The following CERT1 variants were observed in gnomAD, a reference collection of about 807,000 sequenced individuals.
CERT1 encodes ceramide transfer protein.
In CERT1, 31 loss-of-function variants were observed where a neutral mutation model predicts 87.9. The observed-to-expected ratio is 0.35, with a 90% CI of 0.27 to 0.48. The LOEUF is 0.48. Among genes scored for constraint, CERT1 ranks in the 20% least tolerant of loss-of-function variants. The pLI is 0.99. For missense variants in CERT1, 487 were observed against 758.0 expected (o/e 0.64, Z 4.20); for synonymous variants, 289 against 250.9 (o/e 1.15, Z -1.44).
chr5:75,380,681 A>T lies in CERT1; in HGVS notation c.1747+391T>A, dbSNP rs544377059. 2.8e-4 allele frequency among the ~76,000 whole-genome samples: 41 copies of T among 148,836 alleles called. 1 individual carries two copies. The South Asian group carries it at 6.1e-3, about 22-fold the overall frequency. On this transcript the variant is annotated intron_variant, in intron 16 of 16. Coordinates refer to ENST00000643780, the MANE Select transcript of CERT1 (RefSeq NM_001379029.1). ...TGGGCACCTGTAATCCCAGCTACAG[A>T]GGCAGAGAATCGCTTGAACCCAGGA...
chr5:75,481,449 G>A (rs542256549), intron 2 of CERT1, among the ~76,000 whole-genome samples: 2 of 151,844 alleles, frequency 1.3e-5, no homozygotes, highest in South Asian at 4.2e-4. Flanking sequence ...ATTAAAATAC[G>A]GTAATATTTA....
At chr5:75,447,431 CCTT>C (rs1764590694) in intron 3 of CERT1, among the ~76,000 whole-genome samples, 1 of 142,694 alleles carries the variant, frequency 7.0e-6, no homozygotes, top group African/African-American at 2.7e-5. Context: ...ATATTTTCTT[CCTT>C]TTTTAAAAAA....
At chr5:75,491,566 T>C (rs1228702173) in intron 2 of CERT1, among the ~76,000 whole-genome samples, 1 of 152,176 alleles carries the variant, frequency 6.6e-6, no homozygotes, top group Non-Finnish European at 1.5e-5. Flanking sequence ...TCTCCCTCAC[T>C]AGTGCTCCTT....
At chr5:75,458,724 G>C (rs1412136789) in intron 3 of CERT1, among the ~76,000 whole-genome samples, 3 of 152,038 alleles carry the variant, frequency 2.0e-5, no homozygotes, top group African/African-American at 7.2e-5. Flanking sequence ...GCTAATTTTT[G>C]TATTTTTAGT....
At chr5:75,459,247 A>C in intron 2 of CERT1, 66 bp from the exon 3 acceptor site, 1 of 899,506 alleles carries the variant, frequency 1.1e-6, no homozygotes, top group Non-Finnish European at 1.8e-6. Flanking sequence ...TACACCCCAA[A>C]GCCAAAACAT....
At chr5:75,373,086 A>T (rs1761144510), downstream of CERT1, 1 of 152,248 alleles carries the variant, frequency 6.6e-6, no homozygotes, top group African/African-American at 2.4e-5. Flanking sequence ...ATTTCAGTTT[A>T]AATCATGTGG....
intron 1 of CERT1, among the ~76,000 whole-genome samples, chr5:75,510,079 G>A (rs1017250459): frequency 1.3e-5 from 2 of 152,160 alleles, no homozygotes; most frequent in South Asian, 2.1e-4. Flanking sequence ...TAATGTCCAA[G>A]TGATTTGCCA....
At chr5:75,370,522 G>A (rs996056298) in intron 17 of CERT1, 1 of 152,074 alleles carries the variant, frequency 6.6e-6, no homozygotes, top group African/African-American at 2.4e-5. Context: ...AAAACTTCTG[G>A]ATGTGATCCA....
chr5:75,421,124 T>C (rs1202332557), intron 5 of CERT1, among the ~76,000 whole-genome samples: 3 of 152,212 alleles, frequency 2.0e-5, no homozygotes, highest in Non-Finnish European at 2.9e-5. Context: ...GGCTCCTTTA[T>C]CTTTTCAGGA....
chr5:75,441,726 G>A (rs756365369), intron 3 of CERT1, among the ~76,000 whole-genome samples: 2 of 152,190 alleles, frequency 1.3e-5, no homozygotes, highest in Non-Finnish European at 2.9e-5. Flanking sequence ...CGCTTCAGTA[G>A]CATGTGGCAG....
At chr5:75,482,656 T>C (rs971133022) in intron 2 of CERT1, among the ~76,000 whole-genome samples, 2 of 152,142 alleles carry the variant, frequency 1.3e-5, no homozygotes, top group Admixed American at 6.5e-5. Context: ...TGTGTCACCT[T>C]TACCCCAGCT....
intron 1 of CERT1, among the ~76,000 whole-genome samples, chr5:75,507,634 G>A (rs189253729): frequency 2.3e-4 from 35 of 152,262 alleles, no homozygotes; most frequent in African/African-American, 7.2e-4. Context: ...CTTCCTTGGG[G>A]AGACTGCTAC....
chr5:75,459,763 G>C (rs1765149364), intron 2 of CERT1, among the ~76,000 whole-genome samples: 1 of 152,102 alleles, frequency 6.6e-6, no homozygotes, highest in Non-Finnish European at 1.5e-5. Flanking sequence ...AGGAGTTCAA[G>C]ACCAGCCTGG....
chr5:75,390,792 A>G (rs545801174), intron 11 of CERT1, among the ~76,000 whole-genome samples: 1 of 152,260 alleles, frequency 6.6e-6, no homozygotes, highest in East Asian at 1.9e-4. Flanking sequence ...ACATATTTCA[A>G]AGTAAATAAT....
At chr5:75,377,203 T>C (rs1761354894), downstream of CERT1, 1 of 152,214 alleles carries the variant, frequency 6.6e-6, no homozygotes, top group Non-Finnish European at 1.5e-5. Flanking sequence ...GAGAGAGTAT[T>C]TTTCACCTAA....
chr5:75,491,113 T>C (rs1253214396), intron 2 of CERT1, among the ~76,000 whole-genome samples: 1 of 152,184 alleles, frequency 6.6e-6, no homozygotes, highest in Non-Finnish European at 1.5e-5. Flanking sequence ...TTTTATAAAC[T>C]AAAGGAAAGG....
chr5:75,430,351 T>C (rs73763101), intron 3 of CERT1, among the ~76,000 whole-genome samples: 11,922 of 152,266 alleles, frequency 0.078, 560 homozygotes, highest in South Asian at 0.17. Flanking sequence ...TGAATCCACA[T>C]CTCAAAGCAA....
At chr5:75,505,834 T>G in intron 2 of CERT1, 148 bp downstream of exon 2, 1 of 534,684 alleles carries the variant, frequency 1.9e-6, no homozygotes, top group Non-Finnish European at 3.1e-6. Flanking sequence ...GTAAAATCAC[T>G]TTATGGAAAA....
At chr5:75,377,759 G>A (rs527570847), downstream of CERT1, 1 of 152,096 alleles carries the variant, frequency 6.6e-6, no homozygotes, top group Non-Finnish European at 1.5e-5. Flanking sequence ...TGCAAGACAG[G>A]GTAAATTTTA....
Sources: allele counts gnomAD v4.1 joint callset (sites outside exome capture counted in the v4.1 genomes callset), GRCh38; gene constraint gnomAD v4.1.1; transcripts MANE v1.5; gene names NCBI Gene and HGNC (gene_info 2026-07-23, HGNC 2026-07-21).